The following OGFOD3 variants were observed in gnomAD, a reference collection of about 807,000 sequenced individuals.
The protein encoded by OGFOD3 is 2-oxoglutarate and iron dependent oxygenase domain containing 3.
A neutral mutation model predicts 39.8 loss-of-function variants in OGFOD3; 35 were observed. That is an observed-to-expected ratio of 0.88 (90% confidence interval 0.67 to 1.17). OGFOD3 has a LOEUF of 1.17. Ranked by LOEUF, OGFOD3 falls within the 50% of genes most tolerant of loss-of-function variation. The pLI is 0.00. For missense variants in OGFOD3, 438 were observed against 454.5 expected (o/e 0.96, Z 0.33); for synonymous variants, 200 against 192.0 (o/e 1.04, Z -0.34).
At chr17:82,413,600 T>C (rs2052988186) in intron 2 of OGFOD3, among the ~76,000 whole-genome samples, 1 of 152,138 alleles carries the variant, frequency 6.6e-6, no homozygotes, top group African/African-American at 2.4e-5. Context: ...CCAGGCGCAG[T>C]GGCTCATGCC....
At chr17:82,417,075 T>C (rs2053067297) in intron 1 of OGFOD3, among the ~76,000 whole-genome samples, 1 of 152,228 alleles carries the variant, frequency 6.6e-6, no homozygotes, top group African/African-American at 2.4e-5. Context: ...TTAAAATGTA[T>C]TAATTAAATA....
intron 8 of OGFOD3, among the ~76,000 whole-genome samples, chr17:82,395,543 C>A (rs148077985): frequency 6.6e-6 from 1 of 152,124 alleles, no homozygotes; most frequent in Non-Finnish European, 1.5e-5. Flanking sequence ...GCGACACGGC[C>A]GGGCGTGGTG....
chr17:82,410,603 A>G (rs2052926135), intron 3 of OGFOD3, among the ~76,000 whole-genome samples: 1 of 151,670 alleles, frequency 6.6e-6, no homozygotes, highest in South Asian at 2.1e-4. Context: ...ACCCCTGCAG[A>G]GGAACCTGGG....
rs142922648 is a variant in OGFOD3 at position 82,400,652 on chromosome 17, A to G, written c.700-2333T>C. 9.9e-5 allele frequency: 15 copies of G among 151,720 alleles called. No homozygotes were observed. The East Asian group carries it at 2.9e-3, about 29-fold the overall frequency. The allele number at this position is 151,720 out of a possible 1,614,324, so 9.4% of individuals were successfully genotyped here. A position where few individuals can be genotyped will look rare whatever the true frequency, so the allele number is the denominator to read the frequency against. ...CTGGTTCGCCTTTATTTATATACAT[A>G]TATATATATATGACTTTTAAATCTT... On this transcript the variant is annotated intron_variant, in intron 7 of 8. Coordinates refer to ENST00000313056, the MANE Select transcript of OGFOD3 (RefSeq NM_024648.3).
At chr17:82,397,265 C>G (rs922749820) in intron 8 of OGFOD3, among the ~76,000 whole-genome samples, 3 of 152,014 alleles carry the variant, frequency 2.0e-5, no homozygotes, top group Non-Finnish European at 4.4e-5. Context: ...AGGAGGAACA[C>G]CCGTGCTGAG....
At position 82,406,056 on chromosome 17, in the gene OGFOD3, G is replaced by A. The variant is rs1465954338; in HGVS notation, c.488+362C>T. Among the ~76,000 whole-genome samples, 2 of 152,078 alleles carry A rather than the reference G, an allele frequency of 1.3e-5. No homozygotes were observed. Among genetic ancestry groups the A allele is most frequent in the African/African-American group, 2.4e-5 (1 of 41,410 alleles). On this transcript the variant is annotated intron_variant, in intron 5 of 8. Coordinates refer to ENST00000313056, the MANE Select transcript of OGFOD3 (RefSeq NM_024648.3). This position sits in a 1 kb window ranked among gnomAD's most constrained non-coding sequence, Gnocchi z 5.2. ...GCAGGGAGGGTCTCTTTGCTCTCCC[G>A]GCCCCTCATGGAGCGTCAAAGGCCC...
chr17:82,408,011 C>A (rs1272665064), intron 4 of OGFOD3, among the ~76,000 whole-genome samples: 1 of 152,146 alleles, frequency 6.6e-6, no homozygotes, highest in Non-Finnish European at 1.5e-5. Flanking sequence ...GGCATCATGG[C>A]ACATGCCTGT....
chr17:82,411,340 C>T (rs2052939122), intron 3 of OGFOD3, 115 bp downstream of exon 3: 3 of 915,446 alleles, frequency 3.3e-6, no homozygotes, highest in Admixed American at 2.1e-5. Context: ...AGCCACCACG[C>T]CTGGCAATAA....
At chr17:82,413,154 A>G (rs2052979856) in intron 2 of OGFOD3, among the ~76,000 whole-genome samples, 1 of 152,232 alleles carries the variant, frequency 6.6e-6, no homozygotes. Flanking sequence ...TATAAGGTTT[A>G]CCCCACAAAA....
At position 82,392,666 on chromosome 17, in the gene OGFOD3, C is replaced by A. The variant is rs1362976133; in HGVS notation, c.824-132G>T. On this transcript the variant is annotated intron_variant, in intron 8 of 8. Transcript: ENST00000313056. The surrounding 1 kb of genome is among the most constrained non-coding windows in gnomAD (Gnocchi z 4.2). ...CCAACCAGGCAGGCTGGAGAAATTG[C>A]CCCTCTGGGAACTGCTTCTGCAGGA... 1.2e-5 allele frequency: 13 copies of A among 1,090,964 alleles called. No homozygotes were observed. The highest frequency in any genetic ancestry group is 1.6e-5 in the African/African-American group (1 of 62,790). The allele number at this position is 1,090,964 out of a possible 1,614,324, so 67.6% of individuals were successfully genotyped here. A position where few individuals can be genotyped will look rare whatever the true frequency, so the allele number is the denominator to read the frequency against.
intron 1 of OGFOD3, among the ~76,000 whole-genome samples, chr17:82,416,261 A>AAC (rs1485623339): frequency 6.6e-6 from 1 of 152,168 alleles, no homozygotes; most frequent in African/African-American, 2.4e-5. Flanking sequence ...TAAATAAACA[A>AAC]ACACACACCA....
rs568811248 is a variant in OGFOD3, at chr17:82,396,268, C to T, written c.823+1928G>A. ...ATTAGACAGATGTATGACATCAAAT[C>T]GCAGGTAAACACATAGATACACACA... is the stretch of plus-strand genomic sequence containing the variant. On this transcript the variant is annotated intron_variant, in intron 8 of 8. Coordinates refer to ENST00000313056, the MANE Select transcript of OGFOD3 (RefSeq NM_024648.3). 3.9e-5 allele frequency among the ~76,000 whole-genome samples: 4 copies of T among 103,386 alleles called. No individual in the cohort carries two copies. The South Asian group carries it at 9.4e-4, about 24-fold the overall frequency. The allele number at this position is 103,386 out of a possible 152,430, so 67.8% of individuals were successfully genotyped here.
chr17:82,418,321 G>A (rs1182414295), intron 1 of OGFOD3, 91 bp downstream of exon 1: 37 of 130,488 alleles, frequency 2.8e-4, no homozygotes, highest in African/African-American at 1.4e-3. Context: ...CACCCGGGTC[G>A]GGCCAGGCCC....
At position 82,415,705 on chromosome 17, in the gene OGFOD3, T is replaced by C. The variant is rs2053022322; in HGVS notation, c.75-78A>G. On this transcript the variant is annotated intron_variant, in intron 1 of 8. Transcript: ENST00000313056. The surrounding 1 kb of genome is among the most constrained non-coding windows in gnomAD (Gnocchi z 5.3). ...AACGCTCCCCGATCATCAAAGTGCA[T>C]GCACCATGACCCGGCCTTCACTCAC... The C allele has an allele frequency of 5.4e-6, 7 of 1,294,610 alleles. No individual in the cohort carries two copies. Among genetic ancestry groups the C allele is most frequent in the South Asian group, 1.4e-5 (1 of 71,992 alleles). 80.2% of individuals were successfully genotyped at this position (1,294,610 alleles called of 1,614,324 possible). A position where few individuals can be genotyped will look rare whatever the true frequency, so the allele number is the denominator to read the frequency against.
rs750689701 is a variant in OGFOD3 at position 82,415,613 on chromosome 17, C to G, written c.89G>C (p.Arg30Pro). The change falls in exon 2 of 9, where the codon CGA (arginine) becomes CCA (proline). Residue 30 changes from arginine (R) to proline (P), a missense_variant. By Grantham distance (103) the Arg-to-Pro change is moderately radical (BLOSUM62 -2). Coordinates refer to ENST00000313056, the MANE Select transcript of OGFOD3 (RefSeq NM_024648.3). The surrounding 1 kb of genome is among the most constrained non-coding windows in gnomAD (Gnocchi z 5.3). Reference sequence around the variant, plus strand: ...CAGCCTCTGCACCTCCCGCGGGGCTCGGTCCTTCTTGGTGCTGAGAACAGA... The same window carrying G: ...CAGCCTCTGCACCTCCCGCGGGGCTGGGTCCTTCTTGGTGCTGAGAACAGA... ...RRNRSSTKKD[R>P]APREVQRLWQ... The G allele has an allele frequency of 6.2e-6, 10 of 1,611,714 alleles. No individual in the cohort carries two copies. The highest frequency in any genetic ancestry group is 1.7e-6 in the Non-Finnish European group (2 of 1,178,860).
At position 82,389,597 on chromosome 17, in the gene OGFOD3, G is replaced by A. The variant is rs1003654800; in HGVS notation, c.*2801C>T. Reference sequence around the variant, plus strand: ...AGCTCACTGTAGCCTCGACCTCCTGGGCTCAAGCAGTCGTCCTGCCTCAGC... The same window carrying A: ...AGCTCACTGTAGCCTCGACCTCCTGAGCTCAAGCAGTCGTCCTGCCTCAGC... On this transcript the variant is annotated 3_prime_UTR_variant, in exon 9 of 9. Coordinates refer to ENST00000313056, the MANE Select transcript of OGFOD3 (RefSeq NM_024648.3). This position sits in a 1 kb window ranked among gnomAD's most constrained non-coding sequence, Gnocchi z 4.6. 1.3e-5 allele frequency: 2 copies of A among 152,160 alleles called. No individual in the cohort carries two copies. The highest frequency in any genetic ancestry group is 4.8e-5 in the African/African-American group (2 of 41,424). The allele number at this position is 152,160 out of a possible 1,614,324, so 9.4% of individuals were successfully genotyped here.
intron 3 of OGFOD3, 38 bp downstream of exon 3, chr17:82,411,417 T>G (rs780225146): frequency 6.3e-7 from 1 of 1,589,282 alleles, no homozygotes; most frequent in East Asian, 2.2e-5. Context: ...CCGCGTGTGT[T>G]TGTTTGAATC....
intron 1 of OGFOD3, among the ~76,000 whole-genome samples, chr17:82,416,032 G>C (rs112128280): frequency 0.037 from 5,568 of 151,714 alleles, 202 homozygotes; most frequent in African/African-American, 0.094. Context: ...GTATCGAGAC[G>C]AGCCTGACCA....
At chr17:82,407,590 C>T (rs2052875632) in intron 4 of OGFOD3, among the ~76,000 whole-genome samples, 1 of 152,238 alleles carries the variant, frequency 6.6e-6, no homozygotes, top group Non-Finnish European at 1.5e-5. Flanking sequence ...AAGAGGCTTC[C>T]AGCCCACGTT....
Sources: allele counts gnomAD v4.1 joint callset (sites outside exome capture counted in the v4.1 genomes callset), GRCh38; gene constraint gnomAD v4.1.1; non-coding constraint Gnocchi (gnomAD v3.1); transcripts MANE v1.5; gene names NCBI Gene and HGNC (gene_info 2026-07-23, HGNC 2026-07-21).